The following STARD3NL variants were observed in gnomAD, a reference collection of about 807,000 sequenced individuals.
STARD3NL encodes the protein STARD3 N-terminal like.
A neutral mutation model predicts 30.9 loss-of-function variants in STARD3NL; 17 were observed. The ratio of observed to expected loss-of-function variants is 0.55; its 90% CI spans 0.38 to 0.82. The LOEUF (loss-of-function observed/expected upper bound fraction) is 0.82. Among genes scored for constraint, STARD3NL ranks in the 40% least tolerant of loss-of-function variants. The pLI is 0.00. For missense variants in STARD3NL, 234 were observed against 277.6 expected (o/e 0.84, Z 1.12); for synonymous variants, 112 against 100.5 (o/e 1.11, Z -0.69).
chr7:38,224,567 A>C (rs1338934400), intron 7 of STARD3NL, among the ~76,000 whole-genome samples: 1 of 151,696 alleles, frequency 6.6e-6, no homozygotes, highest in Non-Finnish European at 1.5e-5. Flanking sequence ...GAAATCCCAC[A>C]CTCTCCTGCT....
chr7:38,211,258 G>C (rs528270581), intron 2 of STARD3NL, among the ~76,000 whole-genome samples: 6 of 152,214 alleles, frequency 3.9e-5, no homozygotes, highest in Non-Finnish European at 5.9e-5. Context: ...AGATGAGGTA[G>C]ATCAGTGGCT....
intron 7 of STARD3NL, among the ~76,000 whole-genome samples, chr7:38,224,733 A>G (rs1378266292): frequency 1.3e-5 from 2 of 152,206 alleles, no homozygotes; most frequent in African/African-American, 2.4e-5. Flanking sequence ...TCACTTAACA[A>G]TGGCAAAGTA....
intron 1 of STARD3NL, among the ~76,000 whole-genome samples, chr7:38,187,268 T>C (rs766439220): frequency 6.6e-6 from 1 of 152,236 alleles, no homozygotes; most frequent in Non-Finnish European, 1.5e-5. Flanking sequence ...TTTGCCAACC[T>C]GTAGTCTATG....
rs1193876893 is a variant in STARD3NL, at chr7:38,215,069, T to C, written c.345T>C (p.Tyr115=). Residue 115 remains tyrosine (Y), a synonymous_variant, in exon 4 of 9, where the codon TAT becomes TAC. Transcript: ENST00000009041. ...GATTTAAAGTGTTAATACTTGCATA[T>C]GCTGTGTGCAGACTGCGCCATTGGT... is the stretch of plus-strand genomic sequence containing the variant. The part of the protein sequence containing the change: ...VFRFKVLILA[Y]AVCRLRHWWA... 6.2e-6 allele frequency: 10 copies of C among 1,614,060 alleles called. No individual in the cohort carries two copies. The highest frequency in any genetic ancestry group is 8.5e-6 in the Non-Finnish European group (10 of 1,179,954).
chr7:38,192,208 C>T (rs1160507419), intron 1 of STARD3NL, among the ~76,000 whole-genome samples: 2 of 152,030 alleles, frequency 1.3e-5, no homozygotes, highest in African/African-American at 4.8e-5. Flanking sequence ...AGTCTTTTCC[C>T]ACTCCCCTGG....
At chr7:38,183,348 G>T (rs1784323466) in intron 1 of STARD3NL, among the ~76,000 whole-genome samples, 1 of 152,206 alleles carries the variant, frequency 6.6e-6, no homozygotes, top group African/African-American at 2.4e-5. Flanking sequence ...TCTGTGCATT[G>T]TGGGATGTTT....
At position 38,212,579 on chromosome 7, in the gene STARD3NL, G is replaced by A. The variant is rs573338303; in HGVS notation, c.226-1778G>A. ...CTATATTTAGAACAGTGCCTGGTGC[G>A]TAGTAGATGCTCAGCAAATATTTGG... On this transcript the variant is annotated intron_variant, in intron 2 of 8. Coordinates refer to ENST00000009041, the MANE Select transcript of STARD3NL (RefSeq NM_032016.4). Among the ~76,000 whole-genome samples the A allele has an allele frequency of 2.0e-4, 31 of 152,292 alleles. No individual in the cohort carries two copies. The South Asian group carries it at 2.9e-3, about 14-fold the overall frequency.
Position 38,214,353 on chromosome 7 carries a change from C to G in STARD3NL, c.226-4C>G. 6.3e-7 allele frequency: 1 copy of G among 1,593,742 alleles called. No individual in the cohort carries two copies. The highest frequency in any genetic ancestry group is 8.6e-7 in the Non-Finnish European group (1 of 1,165,380). Reference sequence around the variant, plus strand: ...TTGTTTTTGCTTCTTACTCTCCTTTCTAGGTGAATGGAGGCATTGAGAACA... The same window carrying G: ...TTGTTTTTGCTTCTTACTCTCCTTTGTAGGTGAATGGAGGCATTGAGAACA... On this transcript the variant is annotated splice_polypyrimidine_tract_variant and splice_region_variant and intron_variant, in intron 2 of 8. Coordinates refer to ENST00000009041, the MANE Select transcript of STARD3NL (RefSeq NM_032016.4).
chr7:38,211,429 G>GGAGT (rs879571029), intron 2 of STARD3NL, among the ~76,000 whole-genome samples: 24 of 152,134 alleles, frequency 1.6e-4, no homozygotes, highest in Non-Finnish European at 2.2e-4. Flanking sequence ...TACTGAGGCA[G>GGAGT]GAGTGAGTGC....
At chr7:38,201,617 A>G (rs1785178215) in intron 1 of STARD3NL, 1 of 152,108 alleles carries the variant, frequency 6.6e-6, no homozygotes, top group Non-Finnish European at 1.5e-5. Flanking sequence ...GAATTATTTG[A>G]GTTGCTTTTT....
intron 1 of STARD3NL, among the ~76,000 whole-genome samples, chr7:38,183,289 C>T (rs1364679344): frequency 6.6e-6 from 1 of 152,140 alleles, no homozygotes; most frequent in African/African-American, 2.4e-5. Context: ...GCCTCTGTTC[C>T]TCAGCACTGT....
chr7:38,203,534 G>T (rs1353986056), intron 1 of STARD3NL, among the ~76,000 whole-genome samples: 1 of 152,170 alleles, frequency 6.6e-6, no homozygotes, highest in African/African-American at 2.4e-5. Context: ...ATGCCAAATT[G>T]TAAAGACCAT....
chr7:38,197,511 C>T (rs1363689491), intron 1 of STARD3NL, among the ~76,000 whole-genome samples: 2 of 152,118 alleles, frequency 1.3e-5, no homozygotes, highest in Non-Finnish European at 2.9e-5. Flanking sequence ...CCACTTGTTT[C>T]TTTTTTTAAG....
At chr7:38,190,532 T>G (rs1282636347) in intron 1 of STARD3NL, among the ~76,000 whole-genome samples, 1 of 152,222 alleles carries the variant, frequency 6.6e-6, no homozygotes, top group Non-Finnish European at 1.5e-5. Context: ...CTTATGCCCT[T>G]ACGTTTTTCC....
chr7:38,207,557 C>G lies in STARD3NL; in HGVS notation c.53C>G (p.Ser18Cys), dbSNP rs11547101. 5 of 1,614,026 alleles carry G rather than the reference C, an allele frequency of 3.1e-6. No homozygotes were observed. Among genetic ancestry groups the G allele is most frequent in the Non-Finnish European group, 4.2e-6 (5 of 1,179,940 alleles). Residue 18 changes from serine (S) to cysteine (C), a missense_variant, in exon 2 of 9, where the codon TCC becomes TGC. Physicochemically the swap from Ser to Cys is moderately radical, Grantham distance 112. Coordinates refer to ENST00000009041, the MANE Select transcript of STARD3NL (RefSeq NM_032016.4). The part of the protein sequence containing the change: ...MENALTGSQS[S>C]HASLRNIHSI... The stretch of plus-strand genomic sequence containing the variant: ...AACGCTCTCACCGGGAGCCAGAGCT[C>G]CCATGCTTCTCTGCGCAATATCCAT...
chr7:38,207,187 A>G (rs956628469), intron 1 of STARD3NL, among the ~76,000 whole-genome samples: 1 of 152,176 alleles, frequency 6.6e-6, no homozygotes, highest in African/African-American at 2.4e-5. Flanking sequence ...TGTAGCTAAC[A>G]TCCTGCCTTC....
In STARD3NL at chr7:38,218,959, T is replaced by C. The variant is rs1043415604; in HGVS notation, c.554-606T>C. Among the ~76,000 whole-genome samples, 5 of 152,354 alleles carry C rather than the reference T, an allele frequency of 3.3e-5. No individual in the cohort carries two copies. The East Asian group carries it at 7.7e-4, about 23-fold the overall frequency. On this transcript the variant is annotated intron_variant, in intron 6 of 8. Transcript: ENST00000009041. The stretch of plus-strand genomic sequence containing the variant: ...AACCAGATGTAGCCAGCAGACCGTT[T>C]GTAGGAACTGACCATGTTTTTTATT...
Position 38,214,526 on chromosome 7 carries a change from T to C in STARD3NL, c.303+92T>C, listed in dbSNP as rs76139068. ...TAGACTTCAAATTCCATGCCCTTTT[T>C]TCCTCTTTTGAACACTGACCATATT... On this transcript the variant is annotated intron_variant, in intron 3 of 8. Transcript: ENST00000009041. 3,298 of 750,504 alleles carry C rather than the reference T, an allele frequency of 4.4e-3. 97 individuals are homozygous for C. In the African/African-American group the frequency reaches 0.055, roughly 13 times the overall value. The allele number at this position is 750,504 out of a possible 1,614,324, so 46.5% of individuals were successfully genotyped here.
At chr7:38,197,834 G>A (rs1267319961) in intron 1 of STARD3NL, among the ~76,000 whole-genome samples, 2 of 152,174 alleles carry the variant, frequency 1.3e-5, no homozygotes, top group African/African-American at 2.4e-5. Flanking sequence ...ATACTAGCAA[G>A]GTAAGTTTAT....
Sources: allele counts gnomAD v4.1 joint callset (sites outside exome capture counted in the v4.1 genomes callset), GRCh38; gene constraint gnomAD v4.1.1; transcripts MANE v1.5; gene names NCBI Gene and HGNC (gene_info 2026-07-23, HGNC 2026-07-21).